ARPP21: variants seen among roughly 807,000 people sequenced by gnomAD.
ARPP21 encodes cAMP regulated phosphoprotein 21.
ARPP21 carries 69 observed loss-of-function variants against 113.2 expected under a neutral mutation model. The observed-to-expected ratio is 0.61, with a 90% confidence interval of 0.50 to 0.74. ARPP21 has a LOEUF of 0.74. Ranked by LOEUF, ARPP21 falls within the 30% of genes least tolerant of loss-of-function variation. ARPP21 has a pLI of 0.00. For missense variants in ARPP21, 1,070 were observed against 1,037.4 expected, an observed-to-expected ratio of 1.03 and a Z score of -0.43; for synonymous variants, 368 against 375.5, an observed-to-expected ratio of 0.98 and a Z score of 0.23.
At chr3:35,745,221 T>G (rs2094949497) in intron 19 of ARPP21, among the ~76,000 whole-genome samples, 2 of 152,252 alleles carry the variant, frequency 1.3e-5, no homozygotes, top group African/African-American at 4.8e-5. Context: ...CTTGGCAATA[T>G]TTTCTCTAAT....
chr3:35,738,066 T>G (rs1667304664), intron 16 of ARPP21, 148 bp from the exon 17 acceptor site: 1 of 582,714 alleles, frequency 1.7e-6, no homozygotes, highest in South Asian at 2.3e-5. Flanking sequence ...GCTCTGGTCT[T>G]TCAGAGCCTT....
chr3:35,645,717 T>A (rs6788752), intron 1 of ARPP21, among the ~76,000 whole-genome samples: 32,024 of 151,820 alleles, frequency 0.21, 3,541 homozygotes, highest in African/African-American at 0.26. Context: ...TGCTTCTTTA[T>A]TATACACTAA....
chr3:35,701,090 C>T (rs945012984), intron 9 of ARPP21, among the ~76,000 whole-genome samples: 13 of 151,418 alleles, frequency 8.6e-5, no homozygotes, highest in African/African-American at 2.9e-4. Flanking sequence ...GGTGATAAAT[C>T]GATCAATGGA....
At chr3:35,721,111 C>A (rs1281550157) in intron 13 of ARPP21, among the ~76,000 whole-genome samples, 1 of 152,190 alleles carries the variant, frequency 6.6e-6, no homozygotes. Context: ...AAAGCTGGAA[C>A]ATGAATTAAC....
At chr3:35,664,088 G>T (rs1709054356) in intron 1 of ARPP21, among the ~76,000 whole-genome samples, 1 of 152,196 alleles carries the variant, frequency 6.6e-6, no homozygotes, top group African/African-American at 2.4e-5. Context: ...AAAGCTTGCA[G>T]ACAATATCTA....
At chr3:35,659,208 C>A (rs1036135877) in intron 1 of ARPP21, among the ~76,000 whole-genome samples, 1 of 152,142 alleles carries the variant, frequency 6.6e-6, no homozygotes, top group Non-Finnish European at 1.5e-5. Context: ...ATACTTTTAA[C>A]ATTACGTCCC....
chr3:35,790,872 A>C (rs981840744), intron 19 of ARPP21, among the ~76,000 whole-genome samples: 1 of 152,226 alleles, frequency 6.6e-6, no homozygotes. Flanking sequence ...GGTAATAAGA[A>C]TGTAAAACAA....
chr3:35,664,998 A>G (rs967578361), intron 1 of ARPP21, among the ~76,000 whole-genome samples: 1 of 152,218 alleles, frequency 6.6e-6, no homozygotes, highest in Admixed American at 6.5e-5. Context: ...TTCGAATTAC[A>G]TGAAAAATGT....
rs543429861 is a variant in ARPP21 at position 35,648,080 on chromosome 3, G to A, written c.-213+7682G>A. 3.9e-5 allele frequency among the ~76,000 whole-genome samples: 6 copies of A among 152,230 alleles called. No individual in the cohort carries two copies. The South Asian group carries it at 1.2e-3, about 32-fold the overall frequency. ...CTCTCCTTCATTGCTATCCCATAAT[G>A]TTTCTGATGGTTAAAATTGGTGATG... is the stretch of plus-strand genomic sequence containing the variant. On this transcript the variant is annotated intron_variant, in intron 1 of 20. Coordinates refer to ENST00000684406, the MANE Select transcript of ARPP21 (RefSeq NM_001385562.1).
At chr3:35,667,949 A>G (rs2884795) in intron 1 of ARPP21, among the ~76,000 whole-genome samples, 1 of 14,384 alleles carries the variant, frequency 7.0e-5, no homozygotes, top group African/African-American at 2.6e-4. Context: ...AGAAGAAGAA[A>G]AGAAGAAGAA....
intron 19 of ARPP21, among the ~76,000 whole-genome samples, chr3:35,757,180 G>A (rs2095602841): frequency 6.7e-6 from 1 of 149,162 alleles, no homozygotes; most frequent in African/African-American, 2.5e-5. Flanking sequence ...TCCTACCTTA[G>A]CCTGAGTAGC....
chr3:35,720,898 T>G (rs1353581667), intron 13 of ARPP21, among the ~76,000 whole-genome samples: 1 of 152,222 alleles, frequency 6.6e-6, no homozygotes, highest in Admixed American at 6.5e-5. Context: ...TTGTTCCCCT[T>G]GGAAAGTTTT....
Position 35,722,543 on chromosome 3 carries a change from T to C in ARPP21, c.1225+709T>C, listed in dbSNP as rs750238580. Among the ~76,000 whole-genome samples the C allele has an allele frequency of 3.2e-4, 48 of 152,260 alleles. 1 individual carries two copies. The highest frequency in any genetic ancestry group is 6.0e-4 in the Non-Finnish European group (41 of 68,052). ...ATTCATTTTTATTACTGCCATTTAA[T>C]GTTTGCACCCCTGCTTTGCAGATAA... On this transcript the variant is annotated intron_variant, in intron 14 of 20. Transcript: ENST00000684406.
At chr3:35,786,661 A>T (rs1331871182) in intron 19 of ARPP21, among the ~76,000 whole-genome samples, 1 of 152,098 alleles carries the variant, frequency 6.6e-6, no homozygotes. Flanking sequence ...TTGTCAAACC[A>T]CGTTTACATT....
chr3:35,730,454 C>G (rs930666743), intron 15 of ARPP21, among the ~76,000 whole-genome samples: 1 of 152,162 alleles, frequency 6.6e-6, no homozygotes, highest in African/African-American at 2.4e-5. Context: ...TAAACATCCC[C>G]CAAGGCCTAG....
intron 19 of ARPP21, chr3:35,781,316 A>G (rs1032380985): frequency 6.6e-6 from 1 of 152,194 alleles, no homozygotes; most frequent in African/African-American, 2.4e-5. Context: ...AATGATTTGA[A>G]TCATTTCTCT....
chr3:35,741,530 T>G (rs2094657231), intron 18 of ARPP21, among the ~76,000 whole-genome samples: 1 of 152,210 alleles, frequency 6.6e-6, no homozygotes, highest in South Asian at 2.1e-4. Context: ...AAGGTCGATT[T>G]CATCTGACTC....
chr3:35,707,658 G>A (rs1196667601), intron 10 of ARPP21: 3 of 404,196 alleles, frequency 7.4e-6, no homozygotes, highest in African/African-American at 6.2e-5. Context: ...CATGTAAATT[G>A]TCTGCTTGTT....
At chr3:35,716,675 C>G (rs2092448276) in intron 12 of ARPP21, among the ~76,000 whole-genome samples, 1 of 152,010 alleles carries the variant, frequency 6.6e-6, no homozygotes, top group African/African-American at 2.4e-5. Context: ...ATTAAGTGAG[C>G]ATTCACAATT....
Sources: gnomAD v4.1 joint callset for allele counts (sites outside exome capture counted in the v4.1 genomes callset) on GRCh38, gnomAD v4.1.1 for gene constraint, MANE v1.5 for transcripts, NCBI Gene and HGNC (gene_info 2026-07-23, HGNC 2026-07-21) for gene names.